The following IGF1R variants were observed in gnomAD, a reference collection of about 807,000 sequenced individuals.
The protein encoded by IGF1R is insulin like growth factor 1 receptor.
Under a neutral mutation model 144.6 loss-of-function variants are expected in IGF1R, and 44 were observed. The observed-to-expected ratio is 0.30, with a 90% CI of 0.24 to 0.39. The LOEUF (loss-of-function observed/expected upper bound fraction) is 0.39, where lower values mean the gene tolerates loss of function less well. Among genes scored for constraint, IGF1R ranks in the 10% least tolerant of loss-of-function variants. IGF1R has a pLI of 1.00. For missense variants in IGF1R, 1,355 were observed against 1,833.7 expected (o/e 0.74, Z 4.77); for synonymous variants, 795 against 722.8 (o/e 1.10, Z -1.60).
intron 20 of IGF1R, 52 bp from the exon 21 acceptor site, chr15:98,957,009 G>A: frequency 1.2e-6 from 2 of 1,608,766 alleles, no homozygotes; most frequent in Non-Finnish European, 8.5e-7. Context: ...GAAGCCTCCT[G>A]GCCATGTGCG....
At chr15:98,675,782 T>C (rs939171317) in intron 1 of IGF1R, among the ~76,000 whole-genome samples, 13 of 151,980 alleles carry the variant, frequency 8.6e-5, no homozygotes, top group Middle Eastern at 3.4e-3. Flanking sequence ...TTTTCTTCAC[T>C]GGATTATGTA....
chr15:98,820,780 A>G (rs1012904457), intron 2 of IGF1R: 1 of 152,246 alleles, frequency 6.6e-6, no homozygotes, highest in African/African-American at 2.4e-5. Flanking sequence ...TATTTTGCTA[A>G]AAGTAAACCA....
chr15:98,870,265 C>G (rs916679226), intron 2 of IGF1R, among the ~76,000 whole-genome samples: 4 of 152,272 alleles, frequency 2.6e-5, no homozygotes, highest in Admixed American at 6.5e-5. Flanking sequence ...TCCTCATTCT[C>G]TCTTCCACCT....
At chr15:98,820,220 T>A (rs144549415) in intron 2 of IGF1R, among the ~76,000 whole-genome samples, 1 of 139,636 alleles carries the variant, frequency 7.2e-6, no homozygotes, top group South Asian at 2.3e-4. Flanking sequence ...TATATATATA[T>A]AATTCTAGCC....
chr15:98,662,708 C>T (rs756905178), intron 1 of IGF1R, among the ~76,000 whole-genome samples: 12 of 152,130 alleles, frequency 7.9e-5, no homozygotes, highest in Admixed American at 5.2e-4. Context: ...AGTGGGGTCA[C>T]GGAACTGCAG....
chr15:98,896,624 G>A, intron 3 of IGF1R, 133 bp from the exon 4 acceptor site: 1 of 918,512 alleles, frequency 1.1e-6, no homozygotes, highest in South Asian at 1.5e-5. Flanking sequence ...GTGACCACAT[G>A]AACACTTCAA....
At chr15:98,677,458 T>G (rs545903374) in intron 1 of IGF1R, among the ~76,000 whole-genome samples, 208 of 152,340 alleles carry the variant, frequency 1.4e-3, no homozygotes, top group Middle Eastern at 0.01. Context: ...TTACCATCAG[T>G]TGTGTGTCAC....
chr15:98,872,296 C>T (rs755394790), intron 2 of IGF1R, among the ~76,000 whole-genome samples: 28 of 152,132 alleles, frequency 1.8e-4, no homozygotes, highest in Non-Finnish European at 3.4e-4. Flanking sequence ...TAGCCCTCCC[C>T]TGGAAATTAA....
chr15:98,841,940 T>C (rs915446535), intron 2 of IGF1R, among the ~76,000 whole-genome samples: 2 of 152,240 alleles, frequency 1.3e-5, no homozygotes, highest in Non-Finnish European at 2.9e-5. Flanking sequence ...TTTTTGTTTC[T>C]GTCTTCCTGG....
chr15:98,772,113 A>G (rs1464683633), intron 2 of IGF1R, among the ~76,000 whole-genome samples: 1 of 152,204 alleles, frequency 6.6e-6, no homozygotes. Context: ...GAGAATTCTA[A>G]TTGAAGTAAA....
At chr15:98,877,351 G>GT (rs2013109428) in intron 2 of IGF1R, among the ~76,000 whole-genome samples, 2 of 152,150 alleles carry the variant, frequency 1.3e-5, no homozygotes, top group Admixed American at 1.3e-4. Flanking sequence ...ACGAAGAGAA[G>GT]TTAACGCCAC....
chr15:98,906,424 G>A (rs1226880249), intron 5 of IGF1R, among the ~76,000 whole-genome samples: 2 of 152,198 alleles, frequency 1.3e-5, no homozygotes, highest in African/African-American at 2.4e-5. Context: ...GGGGTGCATC[G>A]CTGCAGTCTC....
chr15:98,839,392 A>T (rs2011137936), intron 2 of IGF1R, among the ~76,000 whole-genome samples: 1 of 151,796 alleles, frequency 6.6e-6, no homozygotes, highest in Non-Finnish European at 1.5e-5. Context: ...CCTCCCTACC[A>T]CCACCATCAC....
chr15:98,927,186 G>A (rs1037944240), intron 13 of IGF1R, among the ~76,000 whole-genome samples: 5 of 152,144 alleles, frequency 3.3e-5, no homozygotes, highest in African/African-American at 9.7e-5. Flanking sequence ...ATGTTATCAC[G>A]TACTGCAGGG....
chr15:98,655,396 C>T (rs1227543521), intron 1 of IGF1R, among the ~76,000 whole-genome samples: 1 of 152,110 alleles, frequency 6.6e-6, no homozygotes, highest in Non-Finnish European at 1.5e-5. Context: ...GAAGATTTCT[C>T]TCCCTTTTTT....
At chr15:98,713,595 A>T (rs1191230522) in intron 2 of IGF1R, among the ~76,000 whole-genome samples, 1 of 152,196 alleles carries the variant, frequency 6.6e-6, no homozygotes, top group Non-Finnish European at 1.5e-5. Flanking sequence ...GAAGCCATTC[A>T]TGACTTTGTA....
chr15:98,954,396 T>TAA lies in IGF1R; in HGVS notation c.3723-2650_3723-2649dup, dbSNP rs5742059. On this transcript the variant is annotated intron_variant, in intron 20 of 20. Coordinates refer to ENST00000650285, the MANE Select transcript of IGF1R (RefSeq NM_000875.5). ...AGCCTCCCCAGAACTGACCTGTGGT[T>TAA]AAAAAAAAAAAAAAAATTGTGCTTT... 380 of 147,976 alleles carry TAA rather than the reference T, an allele frequency of 2.6e-3. 4 individuals are homozygous for TAA. The highest frequency in any genetic ancestry group is 4.8e-3 in the East Asian group (24 of 5,010). The allele number at this position is 147,976 out of a possible 1,614,324, so 9.2% of individuals were successfully genotyped here.
chr15:98,857,163 G>C (rs2141574887), intron 2 of IGF1R, among the ~76,000 whole-genome samples: 1 of 152,196 alleles, frequency 6.6e-6, no homozygotes, highest in South Asian at 2.1e-4. Context: ...CTTTAAAGAA[G>C]CTTCTATAAA....
Position 98,648,810 on chromosome 15 carries a change from GT to G in IGF1R, c.-771del, listed in dbSNP as rs1308761777. On this transcript the variant is annotated 5_prime_UTR_variant, in exon 1 of 21. Coordinates refer to ENST00000650285, the MANE Select transcript of IGF1R (RefSeq NM_000875.5). Reference sequence around the variant, plus strand: ...CTCCACGGCGCGCCTCGCCTCGGCTGTGACCTTCAGCGAGCCGGAGCCCCCG... The same window carrying G: ...CTCCACGGCGCGCCTCGCCTCGGCTGGACCTTCAGCGAGCCGGAGCCCCCG... 6.9e-6 allele frequency among the ~76,000 whole-genome samples: 1 copy of G among 144,550 alleles called. No individual in the cohort carries two copies. The highest frequency in any genetic ancestry group is 1.5e-5 in the Non-Finnish European group (1 of 65,432). The allele number at this position is 144,550 out of a possible 152,430, so 94.8% of individuals were successfully genotyped here.
Sources: gnomAD v4.1 joint callset for allele counts (sites outside exome capture counted in the v4.1 genomes callset) on GRCh38, gnomAD v4.1.1 for gene constraint, MANE v1.5 for transcripts, NCBI Gene and HGNC (gene_info 2026-07-23, HGNC 2026-07-21) for gene names.